Variants in KDM5B observed in about 807,000 individuals in gnomAD.
The protein encoded by KDM5B is lysine demethylase 5B.
KDM5B carries 144 observed loss-of-function variants against 193.4 expected under a neutral mutation model. The ratio of observed to expected loss-of-function variants is 0.74; its 90% CI spans 0.65 to 0.86. KDM5B has a LOEUF of 0.86. KDM5B is among the 40% of genes least tolerant of loss of function. The probability of loss-of-function intolerance (pLI) is 0.00; values close to 1 mark genes in which losing one functional copy is unlikely to be tolerated. For synonymous variants in KDM5B, 668 were observed against 682.6 expected (o/e 0.98, Z 0.33); for missense variants, 1,833 against 1,886.9 (o/e 0.97, Z 0.53).
intron 4 of KDM5B, among the ~76,000 whole-genome samples, chr1:202,768,320 G>A (rs919857169): frequency 6.6e-6 from 1 of 152,106 alleles, no homozygotes. Flanking sequence ...GGAACATCAC[G>A]AAAAACCTTT....
Position 202,760,517 on chromosome 1 carries a change from C to T in KDM5B, c.975G>A (p.Leu325=). 6.2e-7 allele frequency: 1 copy of T among 1,613,474 alleles called. No homozygotes were observed. The highest frequency in any genetic ancestry group is 8.5e-7 in the Non-Finnish European group (1 of 1,179,644). Residue 325 remains leucine (L), a synonymous_variant, in exon 8 of 27, where the codon CTG becomes CTA. Coordinates refer to ENST00000367265, the MANE Select transcript of KDM5B (RefSeq NM_006618.5). The part of the protein sequence containing the change: ...CGSGNDEDRL[L]LCDGCDDSYH... ...AACTGTCATCACAGCCATCACACAA[C>T]AGTAGCCGGTCTTCATCATTGCCAC...
chr1:202,735,296 A>G, intron 22 of KDM5B, 133 bp downstream of exon 22: 1 of 958,750 alleles, frequency 1.0e-6, no homozygotes. Context: ...GACAATTTTC[A>G]AAAAGTCTTT....
At chr1:202,802,369 G>GT (rs746414267) in intron 1 of KDM5B, among the ~76,000 whole-genome samples, 2 of 151,656 alleles carry the variant, frequency 1.3e-5, no homozygotes, top group African/African-American at 2.4e-5. Context: ...AGTTTACACT[G>GT]TTTTTTTGTT....
intron 1 of KDM5B, among the ~76,000 whole-genome samples, chr1:202,780,636 A>C (rs1409097430): frequency 6.6e-6 from 1 of 152,192 alleles, no homozygotes; most frequent in African/African-American, 2.4e-5. Context: ...ATGTTGGTAT[A>C]TCTACAACCA....
chr1:202,774,855 A>C (rs1228336877), intron 2 of KDM5B, 120 bp from the exon 3 acceptor site: 1 of 847,162 alleles, frequency 1.2e-6, no homozygotes, highest in African/African-American at 1.7e-5. Flanking sequence ...ATTTTTTTTT[A>C]ATTTAATGCT....
chr1:202,774,744 C>A lies in KDM5B; in HGVS notation c.283-9G>T, dbSNP rs552717592. 6.2e-7 allele frequency: 1 copy of A among 1,611,500 alleles called. No homozygotes were observed. On this transcript the variant is annotated splice_polypyrimidine_tract_variant and intron_variant, in intron 2 of 26. Coordinates refer to ENST00000367265, the MANE Select transcript of KDM5B (RefSeq NM_006618.5). ...TTTACACGAGTTTGGGCCTAAAAGA[C>A]AAAGAATTGAGTTTTCATCTCATTT... is the stretch of plus-strand genomic sequence containing the variant.
chr1:202,785,005 G>A (rs1657348179), intron 1 of KDM5B, among the ~76,000 whole-genome samples: 1 of 143,302 alleles, frequency 7.0e-6, no homozygotes, highest in African/African-American at 2.6e-5. Flanking sequence ...GTGAGAGCCT[G>A]TCTCAAAAAA....
At chr1:202,783,754 G>A (rs1425958752) in intron 1 of KDM5B, among the ~76,000 whole-genome samples, 2 of 151,748 alleles carry the variant, frequency 1.3e-5, no homozygotes, top group African/African-American at 4.8e-5. Context: ...GGTGGCGGGC[G>A]CCTGTAGTCC....
intron 12 of KDM5B, among the ~76,000 whole-genome samples, chr1:202,751,323 C>T (rs1187881286): frequency 6.6e-6 from 1 of 152,120 alleles, no homozygotes; most frequent in Non-Finnish European, 1.5e-5. Context: ...TACATTTCTA[C>T]ACCAATGCTT....
intron 7 of KDM5B, 65 bp downstream of exon 7, chr1:202,762,634 G>T: frequency 3.3e-6 from 3 of 912,402 alleles, no homozygotes; most frequent in South Asian, 1.3e-5. Flanking sequence ...GGGTAAAGGG[G>T]ATTAAAGAAA....
intron 1 of KDM5B, among the ~76,000 whole-genome samples, chr1:202,786,140 C>T (rs1018823160): frequency 3.0e-5 from 4 of 135,020 alleles, no homozygotes; most frequent in African/African-American, 1.1e-4. Flanking sequence ...CCTGGGAATA[C>T]AGGTGCACAC....
chr1:202,773,056 G>A, intron 4 of KDM5B, 62 bp downstream of exon 4: 22 of 1,204,304 alleles, frequency 1.8e-5, no homozygotes, highest in Non-Finnish European at 2.4e-5. Context: ...TCATTTCCCT[G>A]AAAAGACAAT....
intron 1 of KDM5B, among the ~76,000 whole-genome samples, chr1:202,795,474 A>G (rs1332735515): frequency 6.6e-6 from 1 of 152,104 alleles, no homozygotes; most frequent in African/African-American, 2.4e-5. Flanking sequence ...TAACATAGTG[A>G]AACCCCATCT....
rs1019718967 is a variant in KDM5B, at chr1:202,729,090, T to G, written c.4581A>C (p.Lys1527Asn). 1.9e-6 allele frequency: 3 copies of G among 1,614,150 alleles called. No individual in the cohort carries two copies. In the African/African-American group the frequency reaches 4.0e-5, roughly 22 times the overall value. ...CVGVSPEMAE[K>N]EDYICVRCTV... ...TACAGCGCACACAGATGTAGTCTTC[T>G]TTCTCTGCCATCTCTGGGGAGACAC... is the stretch of plus-strand genomic sequence containing the variant. Residue 1527 changes from lysine to asparagine, a missense_variant, in exon 27 of 27, where the codon AAA becomes AAC. By Grantham distance (94) the Lys-to-Asn change is moderately conservative (BLOSUM62 0). Coordinates refer to ENST00000367265, the MANE Select transcript of KDM5B (RefSeq NM_006618.5).
chr1:202,801,247 C>A (rs1304213524), intron 1 of KDM5B, among the ~76,000 whole-genome samples: 1 of 132,926 alleles, frequency 7.5e-6, no homozygotes, highest in South Asian at 2.6e-4. Context: ...TTTTTATATC[C>A]GAAAGAAAGC....
intron 8 of KDM5B, among the ~76,000 whole-genome samples, chr1:202,759,367 C>T (rs1173019151): frequency 6.6e-6 from 1 of 151,964 alleles, no homozygotes; most frequent in Non-Finnish European, 1.5e-5. Flanking sequence ...TGGCAAAACC[C>T]TGTCTCTACT....
chr1:202,755,364 A>G lies in KDM5B; in HGVS notation c.1445T>C (p.Met482Thr). The G allele has an allele frequency of 6.2e-7, 1 of 1,613,970 alleles. No homozygotes were observed. Among genetic ancestry groups the G allele is most frequent in the Non-Finnish European group, 8.5e-7 (1 of 1,179,814 alleles). Residue 482 changes from methionine to threonine, a missense_variant, in exon 11 of 27, where the codon ATG becomes ACG. Physicochemically the swap from Met to Thr is moderately conservative, Grantham distance 81 (BLOSUM62 -1). Transcript: ENST00000367265. The part of the protein sequence containing the change: ...LAHITADICG[M>T]KLPWLYVGMC... ...TCCCACATACAACCAAGGAAGTTTC[A>G]TGCCACATATATCAGCAGTAATATG...
intron 1 of KDM5B, among the ~76,000 whole-genome samples, chr1:202,804,865 CAA>C (rs35989953): frequency 2.3e-4 from 18 of 78,858 alleles, no homozygotes; most frequent in Admixed American, 1.3e-4. Flanking sequence ...AATTCCGTCT[CAA>C]AAAAAAAAAA....
chr1:202,746,612 T>C (rs1328088048), intron 14 of KDM5B: 4 of 267,320 alleles, frequency 1.5e-5, no homozygotes, highest in Non-Finnish European at 2.8e-5. Flanking sequence ...ATTAGTTATC[T>C]GTTCTACTAC....
Sources: allele counts gnomAD v4.1 joint callset (sites outside exome capture counted in the v4.1 genomes callset), GRCh38; gene constraint gnomAD v4.1.1; transcripts MANE v1.5; gene names NCBI Gene and HGNC (gene_info 2026-07-23, HGNC 2026-07-21).